The following FOCAD variants were observed in gnomAD, a reference collection of about 807,000 sequenced individuals.
FOCAD encodes the protein KIAA1797.
In FOCAD, 198 loss-of-function variants were observed where a neutral mutation model predicts 225.6. The observed-to-expected ratio is 0.88, with a 90% CI of 0.78 to 0.99. The LOEUF is 0.99. FOCAD is among the 50% of genes least tolerant of loss of function. The pLI, the probability that FOCAD is intolerant of heterozygous loss-of-function variation, is 0.00. For missense variants in FOCAD, 2,713 were observed against 2,123.6 expected, an observed-to-expected ratio of 1.28 and a Z score of -5.46; for synonymous variants, 897 against 755.0, an observed-to-expected ratio of 1.19 and a Z score of -3.08.
chr9:20,974,069 T>G (rs201737916), intron 35 of FOCAD, among the ~76,000 whole-genome samples: 35,266 of 107,240 alleles, frequency 0.33, 2,619 homozygotes, highest in East Asian at 0.39. Context: ...CTGTTTTCAC[T>G]TTTGCTGTCT....
In FOCAD at chr9:20,993,324, G is replaced by C; in HGVS notation, c.5328G>C (p.Leu1776Phe). 6.2e-7 allele frequency: 1 copy of C among 1,612,756 alleles called. No individual in the cohort carries two copies. Among genetic ancestry groups the C allele is most frequent in the Middle Eastern group, 1.7e-4 (1 of 6,058 alleles). Reference sequence around the variant, plus strand: ...TCTCAGCACAGTCCAGGGATCTTTTGAAAGGTATTACTTCCATGTTTTATG... The same window carrying C: ...TCTCAGCACAGTCCAGGGATCTTTTCAAAGGTATTACTTCCATGTTTTATG... Reference protein sequence around the residue: ...EALSAQSRDLLKATLLSLRVL... With the variant: ...EALSAQSRDLFKATLLSLRVL... Residue 1776 changes from leucine (L) to phenylalanine (F), a missense_variant, in exon 43 of 44, where the codon TTG (leucine) becomes TTC (phenylalanine). Transcript: ENST00000338382.
chr9:20,707,655 A>G (rs1467328883), intron 1 of FOCAD, among the ~76,000 whole-genome samples: 58 of 152,174 alleles, frequency 3.8e-4, no homozygotes, highest in Non-Finnish European at 2.4e-4. Flanking sequence ...AAAGGTCTTC[A>G]TCTTCACCTT....
chr9:20,969,758 T>A (rs1030077599), intron 35 of FOCAD, among the ~76,000 whole-genome samples: 5 of 150,856 alleles, frequency 3.3e-5, no homozygotes, highest in Non-Finnish European at 7.4e-5. Context: ...CTTTTATATT[T>A]ACCTATGTAA....
At chr9:20,761,774 C>T (rs1197052721) in intron 6 of FOCAD, among the ~76,000 whole-genome samples, 3 of 152,082 alleles carry the variant, frequency 2.0e-5, no homozygotes, top group Non-Finnish European at 4.4e-5. Flanking sequence ...GTACTTCTCC[C>T]TCTGTGGTGA....
chr9:20,959,482 A>T (rs565692722), intron 35 of FOCAD, among the ~76,000 whole-genome samples: 36 of 152,160 alleles, frequency 2.4e-4, no homozygotes, highest in African/African-American at 8.4e-4. Context: ...TCCATTCCAC[A>T]GGTTGTCTTT....
chr9:20,769,647 T>G (rs1817985188), intron 7 of FOCAD, among the ~76,000 whole-genome samples: 1 of 152,254 alleles, frequency 6.6e-6, no homozygotes. Context: ...GACTCTTTAC[T>G]ATCAGGTATC....
intron 16 of FOCAD, among the ~76,000 whole-genome samples, chr9:20,864,303 C>T (rs1245052659): frequency 6.6e-6 from 1 of 152,022 alleles, no homozygotes; most frequent in Admixed American, 6.6e-5. Flanking sequence ...GTAGTCCAAC[C>T]TGTTTACAAC....
chr9:20,918,422 C>A (rs118061794), intron 24 of FOCAD, among the ~76,000 whole-genome samples: 1 of 152,198 alleles, frequency 6.6e-6, no homozygotes, highest in African/African-American at 2.4e-5. Context: ...GTATTACCTT[C>A]TCATCAAAAC....
Position 20,862,690 on chromosome 9 carries a change from C to T in FOCAD, c.2033C>T (p.Thr678Met), listed in dbSNP as rs369416690. 43 of 1,612,614 alleles carry T rather than the reference C, an allele frequency of 2.7e-5. No homozygotes were observed. The highest frequency in any genetic ancestry group is 4.5e-5 in the East Asian group (2 of 44,836). ...CTATTTTCTCTAGTTCCTTCCTTAACGGTCAATACAACTGAATATGAGGTA... is the reference window on the plus strand; with the variant it reads ...CTATTTTCTCTAGTTCCTTCCTTAATGGTCAATACAACTGAATATGAGGTA... ...SELFSLVPSL[T>M]VNTTEYENFK... The change falls in exon 16 of 44, where the codon ACG becomes ATG. Residue 678 changes from threonine (T) to methionine (M), a missense_variant. Transcript: ENST00000338382.
intron 4 of FOCAD, among the ~76,000 whole-genome samples, chr9:20,728,036 A>G (rs1435167274): frequency 5.9e-5 from 9 of 152,238 alleles, no homozygotes; most frequent in African/African-American, 1.4e-4. Flanking sequence ...AATCTGATAC[A>G]TGTTATTCAT....
intron 5 of FOCAD, among the ~76,000 whole-genome samples, chr9:20,751,698 G>C (rs1828566609): frequency 1.3e-5 from 2 of 148,920 alleles, no homozygotes; most frequent in Non-Finnish European, 3.0e-5. Context: ...GGGTCAAATG[G>C]TATTTCTAGT....
chr9:20,750,682 T>C (rs1192570316), intron 5 of FOCAD, among the ~76,000 whole-genome samples: 3 of 152,160 alleles, frequency 2.0e-5, no homozygotes, highest in East Asian at 3.8e-4. Flanking sequence ...GTTAGGAAAT[T>C]CAGATTAAAA....
intron 7 of FOCAD, among the ~76,000 whole-genome samples, chr9:20,769,023 A>G (rs1817898440): frequency 6.6e-6 from 1 of 152,130 alleles, no homozygotes; most frequent in Non-Finnish European, 1.5e-5. Flanking sequence ...AAGGAAATAT[A>G]TTGTCAAGTA....
At chr9:20,853,422 T>A (rs1448454119) in intron 15 of FOCAD, among the ~76,000 whole-genome samples, 2 of 151,822 alleles carry the variant, frequency 1.3e-5, no homozygotes, top group African/African-American at 4.8e-5. Flanking sequence ...ATTCAGATAT[T>A]AGAATTATAA....
At chr9:20,774,707 A>G (rs1437245154) in intron 8 of FOCAD, among the ~76,000 whole-genome samples, 1 of 152,178 alleles carries the variant, frequency 6.6e-6, no homozygotes, top group Non-Finnish European at 1.5e-5. Context: ...TGGCTCTTGA[A>G]TCTAATTTTT....
chr9:20,681,915 G>C (rs1462868858), upstream of FOCAD, among the ~76,000 whole-genome samples: 2 of 152,136 alleles, frequency 1.3e-5, no homozygotes, highest in Admixed American at 1.3e-4. Flanking sequence ...CCCAAAATCT[G>C]AATCTAGGAT....
intron 29 of FOCAD, among the ~76,000 whole-genome samples, chr9:20,944,991 C>T (rs1052725177): frequency 3.9e-5 from 6 of 152,112 alleles, no homozygotes; most frequent in African/African-American, 7.2e-5. Context: ...AAGATAAGAG[C>T]CTTTAGTGAA....
intron 15 of FOCAD, among the ~76,000 whole-genome samples, chr9:20,829,169 G>C (rs1443141518): frequency 6.6e-6 from 1 of 152,042 alleles, no homozygotes; most frequent in Non-Finnish European, 1.5e-5. Context: ...TGAAATTGCT[G>C]GGTCAGATGG....
intron 21 of FOCAD, among the ~76,000 whole-genome samples, chr9:20,886,993 A>G (rs1053310200): frequency 1.3e-5 from 2 of 152,350 alleles, no homozygotes; most frequent in East Asian, 1.9e-4. Context: ...GTGAGGCTCC[A>G]TAGTCCTTGA....
Sources: allele counts gnomAD v4.1 joint callset (sites outside exome capture counted in the v4.1 genomes callset), GRCh38; gene constraint gnomAD v4.1.1; transcripts MANE v1.5; gene names NCBI Gene and HGNC (gene_info 2026-07-23, HGNC 2026-07-21).